TNFAIP8: variants seen among roughly 807,000 people sequenced by gnomAD.
TNFAIP8 encodes tumor necrosis factor alpha-induced protein 8.
A neutral mutation model predicts 13.3 loss-of-function variants in TNFAIP8; 7 were observed. That is an observed-to-expected ratio of 0.52 (90% CI 0.30 to 0.99). The LOEUF is 0.99. Among genes scored for constraint, TNFAIP8 ranks in the 50% least tolerant of loss-of-function variants. The pLI is 0.07. For missense variants in TNFAIP8, 258 were observed against 236.9 expected, an observed-to-expected ratio of 1.09 and a Z score of -0.58; for synonymous variants, 94 against 87.6, an observed-to-expected ratio of 1.07 and a Z score of -0.41.
intron 1 of TNFAIP8, among the ~76,000 whole-genome samples, chr5:119,332,980 A>G (rs912876982): frequency 7.9e-5 from 12 of 152,206 alleles, no homozygotes; most frequent in African/African-American, 2.7e-4. Context: ...TCCTGAGAAC[A>G]GAAACACCTC....
At chr5:119,392,264 A>G (rs1040024462) in intron 1 of TNFAIP8, among the ~76,000 whole-genome samples, 3 of 152,306 alleles carry the variant, frequency 2.0e-5, no homozygotes, top group African/African-American at 7.2e-5. Context: ...TTTCCTTTTG[A>G]TTTGCTTAAT....
chr5:119,381,836 G>T (rs570304531), intron 1 of TNFAIP8, among the ~76,000 whole-genome samples: 1 of 152,080 alleles, frequency 6.6e-6, no homozygotes, highest in South Asian at 2.1e-4. Context: ...GAAGGCTGAG[G>T]CAGGAGAATC....
At chr5:119,272,282 C>T (rs148115856) in intron 1 of TNFAIP8, among the ~76,000 whole-genome samples, 2 of 152,270 alleles carry the variant, frequency 1.3e-5, no homozygotes, top group African/African-American at 4.8e-5. Flanking sequence ...AGGAGAGCAC[C>T]ATTCATTCAC....
chr5:119,373,341 C>T (rs1297361022), intron 1 of TNFAIP8, among the ~76,000 whole-genome samples: 1 of 152,188 alleles, frequency 6.6e-6, no homozygotes, highest in Non-Finnish European at 1.5e-5. Flanking sequence ...ACTTCATGTA[C>T]TAAGACATTT....
chr5:119,348,801 A>C (rs2112749001), intron 1 of TNFAIP8, among the ~76,000 whole-genome samples: 1 of 149,162 alleles, frequency 6.7e-6, no homozygotes, highest in African/African-American at 2.5e-5. Flanking sequence ...AATTGCTTGA[A>C]CCTGGGAGGC....
chr5:119,318,044 G>A (rs1461327914), intron 1 of TNFAIP8, among the ~76,000 whole-genome samples: 3 of 152,084 alleles, frequency 2.0e-5, no homozygotes, highest in Admixed American at 1.3e-4. Context: ...AATCAAGGTG[G>A]TGAATTTAAT....
At chr5:119,338,961 G>A (rs1750646712) in intron 1 of TNFAIP8, among the ~76,000 whole-genome samples, 1 of 152,014 alleles carries the variant, frequency 6.6e-6, no homozygotes. Context: ...GCGGGAGGAT[G>A]TCTTGAGCCC....
chr5:119,372,150 A>C (rs1752100530), intron 1 of TNFAIP8, among the ~76,000 whole-genome samples: 2 of 150,794 alleles, frequency 1.3e-5, no homozygotes, highest in African/African-American at 2.4e-5. Context: ...AAAAAAAAAA[A>C]CCCATCTCCA....
rs558326638 is a variant in TNFAIP8, at chr5:119,398,513, T to A, written c.*5132T>A. ...CTGACCAACATGGTGAAACCCCATCTCTACTAAAAATACAAAATTAGCCGG... is the reference window on the plus strand; with the variant it reads ...CTGACCAACATGGTGAAACCCCATCACTACTAAAAATACAAAATTAGCCGG... On this transcript the variant is annotated 3_prime_UTR_variant, in exon 2 of 2. Coordinates refer to ENST00000504771, the MANE Select transcript of TNFAIP8 (RefSeq NM_014350.4). 1 of 152,180 alleles carries A rather than the reference T, an allele frequency of 6.6e-6. No homozygotes were observed. The highest frequency in any genetic ancestry group is 1.9e-4 in the East Asian group (1 of 5,156). The allele number at this position is 152,180 out of a possible 1,614,324, so 9.4% of individuals were successfully genotyped here. A position where few individuals can be genotyped will look rare whatever the true frequency, so the allele number is the denominator to read the frequency against.
intron 1 of TNFAIP8, among the ~76,000 whole-genome samples, chr5:119,310,140 A>G (rs1036696875): frequency 1.3e-5 from 2 of 152,220 alleles, no homozygotes; most frequent in African/African-American, 4.8e-5. Flanking sequence ...GAAATCAGCT[A>G]CATTGAGGCT....
At chr5:119,296,483 A>T (rs1024203804) in intron 1 of TNFAIP8, among the ~76,000 whole-genome samples, 103 of 151,988 alleles carry the variant, frequency 6.8e-4, no homozygotes, top group African/African-American at 2.5e-3. Flanking sequence ...AGCCCACTTG[A>T]TCTTGGTGGA....
At chr5:119,302,826 T>C (rs1437080993) in intron 1 of TNFAIP8, among the ~76,000 whole-genome samples, 3 of 152,346 alleles carry the variant, frequency 2.0e-5, no homozygotes, top group African/African-American at 7.2e-5. Flanking sequence ...GCTTTTTATA[T>C]ATTCCTGGGC....
At chr5:119,371,319 T>G (rs1347975130) in intron 1 of TNFAIP8, among the ~76,000 whole-genome samples, 1 of 152,198 alleles carries the variant, frequency 6.6e-6, no homozygotes, top group African/African-American at 2.4e-5. Flanking sequence ...ACTGTACAGC[T>G]GACAGCTTAA....
At chr5:119,283,554 A>G (rs1013571373) in intron 1 of TNFAIP8, among the ~76,000 whole-genome samples, 3 of 152,258 alleles carry the variant, frequency 2.0e-5, no homozygotes, top group African/African-American at 4.8e-5. Context: ...ATAAAGAAAA[A>G]GGGAAACTCT....
chr5:119,361,833 A>G (rs1032294474), intron 1 of TNFAIP8, among the ~76,000 whole-genome samples: 2 of 152,170 alleles, frequency 1.3e-5, no homozygotes, highest in Admixed American at 1.3e-4. Context: ...TCTGCCTGTC[A>G]TGGACTGTCC....
chr5:119,393,389 AGTTAAGATT>A lies in TNFAIP8; in HGVS notation c.*11_*19del, dbSNP rs1752976710. 8.1e-6 allele frequency: 13 copies of A among 1,605,758 alleles called. No homozygotes were observed. Among genetic ancestry groups the A allele is most frequent in the Non-Finnish European group, 1.1e-5 (13 of 1,174,506 alleles). On this transcript the variant is annotated 3_prime_UTR_variant, in exon 2 of 2. Coordinates refer to ENST00000504771, the MANE Select transcript of TNFAIP8 (RefSeq NM_014350.4). The stretch of plus-strand genomic sequence containing the variant: ...GATGAAGAGAACATATGAGCACATG[AGTTAAGATT>A]GTGACTGATCATGATTTATTTGAAG...
chr5:119,330,105 A>C (rs1029411622), intron 1 of TNFAIP8, among the ~76,000 whole-genome samples: 11 of 152,160 alleles, frequency 7.2e-5, no homozygotes, highest in African/African-American at 2.7e-4. Flanking sequence ...TGGTTTAGGC[A>C]CGCCATTGAA....
intron 1 of TNFAIP8, among the ~76,000 whole-genome samples, chr5:119,321,402 A>G (rs942743728): frequency 4.6e-5 from 6 of 131,342 alleles, no homozygotes; most frequent in African/African-American, 2.0e-4. Flanking sequence ...GAGGATAAAT[A>G]CAATACTAAT....
At chr5:119,331,188 AAGC>A (rs1182382313) in intron 1 of TNFAIP8, among the ~76,000 whole-genome samples, 1 of 152,056 alleles carries the variant, frequency 6.6e-6, no homozygotes, top group Admixed American at 6.5e-5. Flanking sequence ...AGTCCTAGGG[AAGC>A]ATGGAAGTGC....
Sources: gnomAD v4.1 joint callset for allele counts (sites outside exome capture counted in the v4.1 genomes callset) on GRCh38, gnomAD v4.1.1 for gene constraint, MANE v1.5 for transcripts, NCBI Gene and HGNC (gene_info 2026-07-23, HGNC 2026-07-21) for gene names.